ECPAS: variants seen among roughly 807,000 people sequenced by gnomAD.
ECPAS encodes the protein proteasome adapter and scaffold protein ECM29.
In ECPAS, 70 loss-of-function variants were observed where a neutral mutation model predicts 255.1. The ratio of observed to expected loss-of-function variants is 0.27; its 90% CI spans 0.23 to 0.33. The LOEUF is 0.33. ECPAS is among the 10% of genes least tolerant of loss of function. The pLI is 1.00. For missense variants in ECPAS, 1,817 were observed against 2,206.4 expected (o/e 0.82, Z 3.54); for synonymous variants, 784 against 775.0 (o/e 1.01, Z -0.19).
chr9:111,364,453 C>T (rs2098117897), intron 48 of ECPAS, among the ~76,000 whole-genome samples: 1 of 152,052 alleles, frequency 6.6e-6, no homozygotes, highest in African/African-American at 2.4e-5. Context: ...TGAATCAATG[C>T]CAGTAACAGA....
Position 111,468,238 on chromosome 9 carries a change from A to G in ECPAS, c.22+4659T>C, listed in dbSNP as rs1457292577. On this transcript the variant is annotated intron_variant, in intron 2 of 49. Coordinates refer to ENST00000684092, the MANE Select transcript of ECPAS (RefSeq NM_001364929.1). ...ACACTGGAACACAGTACCTGCCTGT[A>G]AAGAACTTCTAGTAAAGCAAGTAGT... Among the ~76,000 whole-genome samples the G allele has an allele frequency of 2.6e-5, 4 of 152,190 alleles. No individual in the cohort carries two copies. The East Asian group carries it at 7.7e-4, about 29-fold the overall frequency.
chr9:111,396,125 ACT>A (rs1162455947), intron 25 of ECPAS, among the ~76,000 whole-genome samples: 8 of 152,312 alleles, frequency 5.3e-5, no homozygotes, highest in Non-Finnish European at 7.4e-5. Flanking sequence ...CCATGAGAAT[ACT>A]CTCTTTTAAT....
chr9:111,469,133 A>G (rs1437672392), intron 2 of ECPAS, among the ~76,000 whole-genome samples: 1 of 152,170 alleles, frequency 6.6e-6, no homozygotes, highest in Non-Finnish European at 1.5e-5. Context: ...GCTATTTGGG[A>G]GGCTGAGGCA....
chr9:111,410,874 G>T, intron 22 of ECPAS, 106 bp downstream of exon 22: 2 of 1,170,306 alleles, frequency 1.7e-6, no homozygotes, highest in Non-Finnish European at 2.4e-6. Flanking sequence ...GAAAAAGCTT[G>T]TGTCTTTTCA....
chr9:111,397,133 C>A lies in ECPAS; in HGVS notation c.2673G>T (p.Gln891His). ...DSVEAKQIEL[Q>H]FTIGEAITSA... ...TGGTAATGGCTTCGCCAATAGTGAA[C>A]TGAAGTTCTATCTGCTTGGCCTGCA... Residue 891 changes from glutamine to histidine, a missense_variant, in exon 25 of 50, where the codon CAG becomes CAT. Transcript: ENST00000684092. 1 of 1,613,884 alleles carries A rather than the reference C, an allele frequency of 6.2e-7. No individual in the cohort carries two copies. The highest frequency in any genetic ancestry group is 1.1e-5 in the South Asian group (1 of 91,084).
intron 2 of ECPAS, among the ~76,000 whole-genome samples, chr9:111,464,267 T>C (rs998840360): frequency 6.5e-5 from 9 of 138,388 alleles, no homozygotes; most frequent in Non-Finnish European, 1.1e-4. Flanking sequence ...ACTCCATCTC[T>C]ACCAAAAAAA....
At chr9:111,437,146 A>G in intron 6 of ECPAS, 38 bp from the exon 7 acceptor site, 1 of 1,507,174 alleles carries the variant, frequency 6.6e-7, no homozygotes, top group Non-Finnish European at 8.9e-7. Context: ...CTATAAATAC[A>G]AAAGCATTTA....
At chr9:111,453,628 A>C (rs1283027823) in intron 2 of ECPAS, among the ~76,000 whole-genome samples, 1 of 152,232 alleles carries the variant, frequency 6.6e-6, no homozygotes, top group Non-Finnish European at 1.5e-5. Context: ...ATACTATCTT[A>C]GTCCAGTAAG....
chr9:111,447,562 A>G (rs1272272543), intron 3 of ECPAS, among the ~76,000 whole-genome samples: 2 of 152,228 alleles, frequency 1.3e-5, no homozygotes, highest in East Asian at 1.9e-4. Context: ...TGGAATTCAG[A>G]TAACATTTCA....
At chr9:111,406,858 G>A (rs958524902) in intron 24 of ECPAS, among the ~76,000 whole-genome samples, 1 of 149,118 alleles carries the variant, frequency 6.7e-6, no homozygotes. Context: ...GCCTTGGTGA[G>A]AGAATGAGAT....
chr9:111,482,272 C>T (rs2098306841), intron 1 of ECPAS, among the ~76,000 whole-genome samples: 1 of 152,154 alleles, frequency 6.6e-6, no homozygotes, highest in Non-Finnish European at 1.5e-5. Context: ...AGGATCACAC[C>T]AAGTGTTTAC....
intron 1 of ECPAS, among the ~76,000 whole-genome samples, chr9:111,478,785 T>C (rs1243476808): frequency 6.6e-6 from 1 of 152,232 alleles, no homozygotes; most frequent in East Asian, 1.9e-4. Flanking sequence ...GTATTATCCA[T>C]ATCATACAGT....
At chr9:111,377,645 T>C (rs1227922546) in intron 36 of ECPAS, among the ~76,000 whole-genome samples, 2 of 152,198 alleles carry the variant, frequency 1.3e-5, no homozygotes, top group Admixed American at 6.5e-5. Flanking sequence ...ACATTCACGG[T>C]CTGATACTAT....
At chr9:111,429,261 CTT>C in intron 9 of ECPAS, among the ~76,000 whole-genome samples, 1 of 145,542 alleles carries the variant, frequency 6.9e-6, no homozygotes, top group Non-Finnish European at 1.5e-5. Context: ...GTTTTATTCT[CTT>C]TTTTTTTTTA....
At position 111,484,167 on chromosome 9, in the gene ECPAS, G is replaced by A; in HGVS notation, c.-134C>T. 6.8e-7 allele frequency: 1 copy of A among 1,480,208 alleles called. No individual in the cohort carries two copies. Among genetic ancestry groups the A allele is most frequent in the Non-Finnish European group, 8.9e-7 (1 of 1,118,030 alleles). 91.7% of individuals were successfully genotyped at this position (1,480,208 alleles called of 1,614,324 possible). Reference sequence around the variant, plus strand: ...CGGACGCTGCGCTCGGCGCCGCGAGGTGAGGGCTGTAGAGCGAGGCGTTCG... The same window carrying A: ...CGGACGCTGCGCTCGGCGCCGCGAGATGAGGGCTGTAGAGCGAGGCGTTCG... On this transcript the variant is annotated 5_prime_UTR_variant, in exon 1 of 50. Transcript: ENST00000684092.
intron 46 of ECPAS, among the ~76,000 whole-genome samples, chr9:111,367,087 A>G (rs2098121248): frequency 6.6e-6 from 1 of 152,226 alleles, no homozygotes; most frequent in South Asian, 2.1e-4. Context: ...AGGTTTACCA[A>G]GAGTCAACAG....
chr9:111,465,069 T>C (rs1420228844), intron 2 of ECPAS, among the ~76,000 whole-genome samples: 1 of 151,284 alleles, frequency 6.6e-6, no homozygotes, highest in Non-Finnish European at 1.5e-5. Flanking sequence ...GCCCGGGAGG[T>C]GGAGGTTGTG....
At chr9:111,451,820 C>A (rs1168031750) in intron 2 of ECPAS, among the ~76,000 whole-genome samples, 3 of 152,290 alleles carry the variant, frequency 2.0e-5, no homozygotes, top group East Asian at 1.9e-4. Flanking sequence ...TCAGTTTTAA[C>A]TGGATACTGG....
chr9:111,392,610 T>C (rs190761580), intron 28 of ECPAS, among the ~76,000 whole-genome samples, 158 bp downstream of exon 28: 34 of 152,332 alleles, frequency 2.2e-4, no homozygotes, highest in Non-Finnish European at 4.3e-4. Flanking sequence ...CCTGGAATAA[T>C]TGTGCTATCC....
Sources: allele counts gnomAD v4.1 joint callset (sites outside exome capture counted in the v4.1 genomes callset), GRCh38; gene constraint gnomAD v4.1.1; transcripts MANE v1.5; gene names NCBI Gene and HGNC (gene_info 2026-07-23, HGNC 2026-07-21).